Variants in EIF4G3 observed in about 807,000 individuals in gnomAD.
EIF4G3 encodes eIF-4-gamma 3.
Under a neutral mutation model 186.4 loss-of-function variants are expected in EIF4G3, and 34 were observed. That is an observed-to-expected ratio of 0.18 (90% CI 0.14 to 0.24). EIF4G3 has a LOEUF of 0.24. Among genes scored for constraint, EIF4G3 ranks in the 10% least tolerant of loss-of-function variants. EIF4G3 has a pLI of 1.00. For synonymous variants in EIF4G3, 673 were observed against 679.5 expected (o/e 0.99, Z 0.15); for missense variants, 1,536 against 1,948.5 (o/e 0.79, Z 3.99).
Position 21,044,637 on chromosome 1 carries a change from G to GT in EIF4G3, c.-67+6228dup, listed in dbSNP as rs11334476. Among the ~76,000 whole-genome samples, 40 of 141,046 alleles carry GT rather than the reference G, an allele frequency of 2.8e-4. 1 individual carries two copies. Among genetic ancestry groups the GT allele is most frequent in the African/African-American group, 1.0e-3 (38 of 37,316 alleles). The allele number at this position is 141,046 out of a possible 152,430, so 92.5% of individuals were successfully genotyped here. On this transcript the variant is annotated intron_variant, in intron 4 of 36. Coordinates refer to ENST00000602326, the MANE Select transcript of EIF4G3 (RefSeq NM_001391906.1). ...GAAAAATCACTATTAAACTTCATTC[G>GT]TTTTTTTTTTTGTTTTTTTTTTTCC... is the stretch of plus-strand genomic sequence containing the variant.
chr1:20,872,239 C>T (rs934576561), intron 20 of EIF4G3, among the ~76,000 whole-genome samples: 1 of 151,950 alleles, frequency 6.6e-6, no homozygotes, highest in Non-Finnish European at 1.5e-5. Flanking sequence ...CCTCTTGCCT[C>T]AGCCTTTGGA....
chr1:21,120,089 T>C (rs569089557), intron 2 of EIF4G3, among the ~76,000 whole-genome samples: 13 of 151,234 alleles, frequency 8.6e-5, no homozygotes, highest in Admixed American at 4.0e-4. Flanking sequence ...TGTGGCCCAA[T>C]AGTCCATCTG....
chr1:20,968,462 T>C (rs1355332203), intron 12 of EIF4G3, among the ~76,000 whole-genome samples: 4 of 152,326 alleles, frequency 2.6e-5, no homozygotes, highest in African/African-American at 9.6e-5. Flanking sequence ...ATTACAGGCA[T>C]GAGCCAACGC....
At chr1:21,168,133 G>C in intron 2 of EIF4G3, 1 of 452,964 alleles carries the variant, frequency 2.2e-6, no homozygotes, top group South Asian at 1.6e-5. Flanking sequence ...GCTGGGTGTG[G>C]TGGCTCACGC....
intron 7 of EIF4G3, 127 bp from the exon 8 acceptor site, chr1:20,982,535 TAGG>T (rs2078521773): frequency 1.0e-5 from 6 of 588,730 alleles, no homozygotes; most frequent in Admixed American, 7.7e-5. Context: ...TTAGTAATAA[TAGG>T]AGAAGAAAGA....
intron 34 of EIF4G3, among the ~76,000 whole-genome samples, chr1:20,814,748 T>TCTCCCTCTCC (rs1557737503): frequency 7.6e-4 from 6 of 7,942 alleles, no homozygotes; most frequent in African/African-American, 1.9e-3. Flanking sequence ...TAAAAATTCA[T>TCTCCCTCTCC]CTCCCCCTCC....
intron 4 of EIF4G3, among the ~76,000 whole-genome samples, chr1:21,040,338 G>A (rs935314345): frequency 1.6e-4 from 24 of 152,168 alleles, no homozygotes; most frequent in Middle Eastern, 3.2e-3. Flanking sequence ...ACCAAGGAAG[G>A]GCAGAGAAGC....
chr1:21,141,369 T>C (rs2102654894), intron 2 of EIF4G3, among the ~76,000 whole-genome samples: 1 of 75,898 alleles, frequency 1.3e-5, no homozygotes, highest in Non-Finnish European at 2.8e-5. Context: ...GAGAAAAATA[T>C]TTTTTCTTTG....
chr1:20,965,458 C>A (rs2074416328), intron 12 of EIF4G3, among the ~76,000 whole-genome samples: 1 of 152,152 alleles, frequency 6.6e-6, no homozygotes, highest in African/African-American at 2.4e-5. Flanking sequence ...TCCACAATCA[C>A]CCCAATTTAG....
intron 4 of EIF4G3, among the ~76,000 whole-genome samples, chr1:21,022,281 T>C (rs1426418257): frequency 6.6e-6 from 1 of 152,224 alleles, no homozygotes; most frequent in Non-Finnish European, 1.5e-5. Flanking sequence ...TGGGTGTCCA[T>C]TATGATTTTT....
At chr1:21,074,689 CTAAT>C (rs2095534675) in intron 3 of EIF4G3, among the ~76,000 whole-genome samples, 1 of 152,062 alleles carries the variant, frequency 6.6e-6, no homozygotes, top group East Asian at 1.9e-4. Context: ...TTAAAAATTC[CTAAT>C]TATTATGTTC....
intron 14 of EIF4G3, among the ~76,000 whole-genome samples, chr1:20,911,516 G>A (rs2093196683): frequency 7.5e-6 from 1 of 133,548 alleles, no homozygotes; most frequent in Non-Finnish European, 1.5e-5. Context: ...AGCTATGACC[G>A]TGCCACTGTA....
chr1:21,020,108 TAAC>T (rs1168623617), intron 4 of EIF4G3, among the ~76,000 whole-genome samples: 1 of 152,172 alleles, frequency 6.6e-6, no homozygotes, highest in African/African-American at 2.4e-5. Context: ...TGCGTCCACT[TAAC>T]AACATTTTCT....
chr1:21,012,615 CAG>C (rs1256324275), intron 4 of EIF4G3, among the ~76,000 whole-genome samples: 1 of 152,144 alleles, frequency 6.6e-6, no homozygotes, highest in African/African-American at 2.4e-5. Context: ...AACTGGAGAA[CAG>C]AAGCCAATAG....
At chr1:20,864,877 C>T (rs933999126) in intron 21 of EIF4G3, among the ~76,000 whole-genome samples, 165 bp from the exon 22 acceptor site, 7 of 152,168 alleles carry the variant, frequency 4.6e-5, no homozygotes, top group African/African-American at 1.7e-4. Context: ...TTTTGGAACT[C>T]AGTGACCTGA....
In EIF4G3 at chr1:20,878,770, C is replaced by G. The variant is rs972294473; in HGVS notation, c.2622+553G>C. Among the ~76,000 whole-genome samples, 6 of 152,170 alleles carry G rather than the reference C, an allele frequency of 3.9e-5. No homozygotes were observed. In the East Asian group the frequency reaches 1.2e-3, roughly 29 times the overall value. On this transcript the variant is annotated intron_variant, in intron 20 of 36. Transcript: ENST00000602326. ...GGACAATGAACACTAACCAGAAGCT[C>G]TTTGGTCTCCCTCTCTGTCTTGCCC...
At chr1:21,062,530 G>A (rs182805237) in intron 3 of EIF4G3, among the ~76,000 whole-genome samples, 2 of 152,270 alleles carry the variant, frequency 1.3e-5, no homozygotes, top group East Asian at 1.9e-4. Flanking sequence ...TATGGATCTA[G>A]CACCACGGAG....
At chr1:20,918,238 A>C (rs1040389370) in intron 14 of EIF4G3, among the ~76,000 whole-genome samples, 2 of 152,030 alleles carry the variant, frequency 1.3e-5, no homozygotes, top group Non-Finnish European at 2.9e-5. Context: ...TAGACAGGGT[A>C]TCTCTCTGTG....
intron 10 of EIF4G3, among the ~76,000 whole-genome samples, chr1:20,973,369 T>A (rs529483813): frequency 1.3e-5 from 2 of 152,242 alleles, no homozygotes; most frequent in Non-Finnish European, 2.9e-5. Flanking sequence ...ACCACAGTTG[T>A]CTTTCTAAAA....
Sources: allele counts gnomAD v4.1 joint callset (sites outside exome capture counted in the v4.1 genomes callset), GRCh38; gene constraint gnomAD v4.1.1; transcripts MANE v1.5; gene names NCBI Gene and HGNC (gene_info 2026-07-23, HGNC 2026-07-21).